Variants in IL1RN observed in about 807,000 individuals in gnomAD.
IL1RN encodes the protein interleukin-1 receptor antagonist protein.
Under a neutral mutation model 13.7 loss-of-function variants are expected in IL1RN, and 10 were observed. The ratio of observed to expected loss-of-function variants is 0.73; its 90% CI spans 0.45 to 1.24. The LOEUF is 1.24. Ranked by LOEUF, IL1RN falls within the 50% of genes most tolerant of loss-of-function variation. The pLI is 0.00. For missense variants in IL1RN, 213 were observed against 222.1 expected (o/e 0.96, Z 0.26); for synonymous variants, 102 against 82.7 (o/e 1.23, Z -1.27).
At chr2:113,121,392 C>A in intron 2 of IL1RN, 2 of 905,112 alleles carry the variant, frequency 2.2e-6, no homozygotes, top group Non-Finnish European at 2.6e-6. Context: ...AGGTAAGCAA[C>A]ACAGTTGTCC....
chr2:113,106,607 TCTTTC>T (rs200682004), upstream of IL1RN, among the ~76,000 whole-genome samples: 2,303 of 152,294 alleles, frequency 0.015, 59 homozygotes, highest in African/African-American at 0.052. Flanking sequence ...ATGTGGCCTC[TCTTTC>T]CTTTCCTTTT....
upstream of IL1RN, among the ~76,000 whole-genome samples, chr2:113,113,560 G>T (rs752965401): frequency 2.0e-5 from 3 of 151,078 alleles, no homozygotes; most frequent in South Asian, 2.1e-4. Context: ...TGCTAAGAGG[G>T]TATATCTTAT....
intron 2 of IL1RN, 52 bp downstream of exon 2, chr2:113,129,716 C>A: frequency 8.5e-7 from 1 of 1,175,344 alleles, no homozygotes; most frequent in Non-Finnish European, 1.3e-6. Context: ...TCACTTTGCC[C>A]GTCTGTCTGC....
chr2:113,133,136 C>T lies in IL1RN; in HGVS notation c.*265C>T, dbSNP rs1013093958. On this transcript the variant is annotated 3_prime_UTR_variant, in exon 4 of 4. Transcript: ENST00000409930. ...ACAAAGCCCTTCCATGTCGCCTCTG[C>T]ATTCAGGATCAAACCCCGACCACCT... 4.1e-5 allele frequency: 22 copies of T among 534,266 alleles called. 1 individual carries two copies. The highest frequency in any genetic ancestry group is 5.2e-4 in the Middle Eastern group (1 of 1,932). The allele number at this position is 534,266 out of a possible 1,614,324, so 33.1% of individuals were successfully genotyped here.
At chr2:113,103,801 T>C (rs1469939126), upstream of IL1RN, among the ~76,000 whole-genome samples, 15 of 152,242 alleles carry the variant, frequency 9.9e-5, no homozygotes, top group East Asian at 2.9e-3. Context: ...GGATTCTGTT[T>C]GGGACATTCT....
upstream of IL1RN, among the ~76,000 whole-genome samples, chr2:113,123,106 C>T (rs1686836024): frequency 6.6e-6 from 1 of 152,148 alleles, no homozygotes; most frequent in African/African-American, 2.4e-5. Context: ...GCCTGGGCAA[C>T]AAGAGCGAAA....
chr2:113,133,031 C>T lies in IL1RN; in HGVS notation c.*160C>T. 1 of 718,252 alleles carries T rather than the reference C, an allele frequency of 1.4e-6. No homozygotes were observed. The highest frequency in any genetic ancestry group is 2.5e-6 in the Non-Finnish European group (1 of 400,392). The allele number at this position is 718,252 out of a possible 1,614,324, so 44.5% of individuals were successfully genotyped here. A position where few individuals can be genotyped will look rare whatever the true frequency, so the allele number is the denominator to read the frequency against. On this transcript the variant is annotated 3_prime_UTR_variant, in exon 4 of 4. Coordinates refer to ENST00000409930, the MANE Select transcript of IL1RN (RefSeq NM_173842.3). ...CAACAACCTGGTCACAGGACTCTGC[C>T]TCCTCTTCAACTGACCAGCCTCCAT...
At chr2:113,100,826 C>T in the IL1RN span, among the ~76,000 whole-genome samples, 1 of 152,176 alleles carries the variant, frequency 6.6e-6, no homozygotes, top group African/African-American at 2.4e-5. Flanking sequence ...GAGGAGGAGA[C>T]TGCCAGTGGA....
chr2:113,109,396 G>A (rs1485150671), upstream of IL1RN, among the ~76,000 whole-genome samples: 1 of 124,672 alleles, frequency 8.0e-6, no homozygotes, highest in African/African-American at 3.1e-5. Flanking sequence ...TGGGCAGCAA[G>A]AGCGAAACGC....
chr2:113,107,567 T>TAAAA (rs1342453490), upstream of IL1RN, among the ~76,000 whole-genome samples: 1 of 57,436 alleles, frequency 1.7e-5, no homozygotes, highest in African/African-American at 9.4e-5. Flanking sequence ...CTACTAAAAA[T>TAAAA]ACAAAAAAAA....
intron 1 of IL1RN, chr2:113,119,953 A>G (rs1686712261): frequency 1.2e-6 from 1 of 832,444 alleles, no homozygotes; most frequent in Admixed American, 2.0e-5. Flanking sequence ...CAGAGGGTAA[A>G]GGATAGAGAT....
At chr2:113,107,923 G>C (rs368393343), upstream of IL1RN, among the ~76,000 whole-genome samples, 13 of 152,086 alleles carry the variant, frequency 8.5e-5, no homozygotes, top group Admixed American at 5.2e-4. Context: ...AATATCTAAG[G>C]ATGTTTCAAA....
upstream of IL1RN, among the ~76,000 whole-genome samples, chr2:113,124,439 G>GC (rs4251999): frequency 8.9e-4 from 135 of 151,080 alleles, no homozygotes; most frequent in African/African-American, 2.4e-3. Context: ...GTGATTGACA[G>GC]CCCCCCCCCT....
At chr2:113,117,745 G>C, upstream of IL1RN, 1 of 585,292 alleles carries the variant, frequency 1.7e-6, no homozygotes, top group Non-Finnish European at 3.1e-6. Flanking sequence ...GTTTCTGCTA[G>C]CCTGAGTCAC....
chr2:113,099,728 C>CTTTTTTTT, the IL1RN span, among the ~76,000 whole-genome samples: 12 of 41,466 alleles, frequency 2.9e-4, no homozygotes, highest in South Asian at 1.3e-3. Flanking sequence ...TCTTTCTTTT[C>CTTTTTTTT]TTTTTTTTTT....
chr2:113,122,644 T>A (rs1265912229), upstream of IL1RN, among the ~76,000 whole-genome samples: 1 of 152,222 alleles, frequency 6.6e-6, no homozygotes, highest in Non-Finnish European at 1.5e-5. Flanking sequence ...CAACACGATC[T>A]TTATAAAACA....
exon 2 of IL1RN, chr2:113,120,112 C>T: frequency 1.2e-6 from 2 of 1,613,042 alleles, no homozygotes; most frequent in Non-Finnish European, 1.7e-6. Flanking sequence ...AAGGTGAAGA[C>T]AATGCTGACT....
At chr2:113,120,476 A>G (rs1686733496) in intron 2 of IL1RN, among the ~76,000 whole-genome samples, 1 of 152,186 alleles carries the variant, frequency 6.6e-6, no homozygotes, top group South Asian at 2.1e-4. Context: ...TGGAATTTGC[A>G]GCAGCAGCCA....
upstream of IL1RN, chr2:113,117,884 T>G: frequency 1.3e-6 from 1 of 773,700 alleles, no homozygotes; most frequent in Non-Finnish European, 2.4e-6. Context: ...TGAGGTGCTC[T>G]GGAAGGAGGG....
Sources: gnomAD v4.1 joint callset for allele counts (sites outside exome capture counted in the v4.1 genomes callset) on GRCh38, gnomAD v4.1.1 for gene constraint, MANE v1.5 for transcripts, NCBI Gene and HGNC (gene_info 2026-07-23, HGNC 2026-07-21) for gene names.